HEATR5B: variants seen among roughly 807,000 people sequenced by gnomAD.
HEATR5B encodes the protein HEAT repeat-containing protein 5B.
Under a neutral mutation model 224.1 loss-of-function variants are expected in HEATR5B, and 156 were observed. That is an observed-to-expected ratio of 0.70 (90% CI 0.61 to 0.80). HEATR5B has a LOEUF of 0.80. Ranked by LOEUF, HEATR5B falls within the 30% of genes least tolerant of loss-of-function variation. The probability of loss-of-function intolerance (pLI) is 0.00; values close to 1 mark genes in which losing one functional copy is unlikely to be tolerated. For synonymous variants in HEATR5B, 1,027 were observed against 893.0 expected, an observed-to-expected ratio of 1.15 and a Z score of -2.68; for missense variants, 2,323 against 2,535.5, an observed-to-expected ratio of 0.92 and a Z score of 1.80.
chr2:37,039,058 T>C (rs113140084), intron 20 of HEATR5B, among the ~76,000 whole-genome samples: 89 of 151,850 alleles, frequency 5.9e-4, no homozygotes, highest in African/African-American at 1.9e-3. Context: ...TGGAGGCTCG[T>C]GCCTGTAATC....
rs543556540 is a variant in HEATR5B at position 37,012,911 on chromosome 2, G to GT, written c.4284+929dup. ...TCTGCTATGTGTTCCAAAACACTTT[G>GT]TAACTTTGTATTTCTCCTGTGATAA... On this transcript the variant is annotated intron_variant, in intron 27 of 35. Transcript: ENST00000233099. Among the ~76,000 whole-genome samples, 43 of 152,320 alleles carry GT rather than the reference G, an allele frequency of 2.8e-4. No individual in the cohort carries two copies. In the South Asian group the frequency reaches 4.1e-3, roughly 15 times the overall value.
rs1276961283 is a variant in HEATR5B, at chr2:37,064,887, C to A, written c.1437G>T (p.Gln479His). 11 of 1,613,970 alleles carry A rather than the reference C, an allele frequency of 6.8e-6. No homozygotes were observed. Among genetic ancestry groups the A allele is most frequent in the Non-Finnish European group, 9.3e-6 (11 of 1,180,016 alleles). ...CACACCTGTCTAGAAATGGTGTCAGCTGGAAAGGTAATGCCACAGCCACAC... is the reference window on the plus strand; with the variant it reads ...CACACCTGTCTAGAAATGGTGTCAGATGGAAAGGTAATGCCACAGCCACAC... ...LRCVAVALPFQLTPFLDRCAE... is the reference protein window; with the variant it reads ...LRCVAVALPFHLTPFLDRCAE... The change falls in exon 10 of 36, where the codon CAG (glutamine) becomes CAT (histidine). Residue 479 changes from glutamine (Q) to histidine (H), a missense_variant. Physicochemically the swap from Gln to His is conservative, Grantham distance 24 (BLOSUM62 0). Transcript: ENST00000233099.
chr2:37,040,900 C>A (rs1051222564), intron 19 of HEATR5B: 6 of 469,280 alleles, frequency 1.3e-5, no homozygotes, highest in East Asian at 3.4e-5. Flanking sequence ...CAGAATAATA[C>A]ACAATAAAAA....
At chr2:37,006,571 G>A (rs995650868) in intron 29 of HEATR5B, among the ~76,000 whole-genome samples, 4 of 152,174 alleles carry the variant, frequency 2.6e-5, no homozygotes, top group Admixed American at 2.0e-4. Context: ...AACCCAGGAG[G>A]CGGAGGTTGC....
At chr2:37,067,177 T>C (rs1439000372) in intron 8 of HEATR5B, among the ~76,000 whole-genome samples, 2 of 152,036 alleles carry the variant, frequency 1.3e-5, no homozygotes, top group African/African-American at 4.8e-5. Context: ...CCTGGCCAAA[T>C]AACTCTTGTT....
rs755161432 is a variant in HEATR5B at position 37,060,596 on chromosome 2, C to T, written c.1834G>A (p.Ala612Thr). ...CAGTTCTTACCACATAGAGCTCCAG[C>T]ACGACCTTCCAAAGTTACCTGCCAG... ...FTWQVTLEGR[A>T]GALCAMRSFV... is the part of the protein sequence containing the mutation. Residue 612 changes from alanine (A) to threonine (T), a missense_variant, in exon 12 of 36, where the codon GCT becomes ACT. By Grantham distance (58) the Ala-to-Thr change is moderately conservative. Coordinates refer to ENST00000233099, the MANE Select transcript of HEATR5B (RefSeq NM_019024.3). 2 of 1,613,590 alleles carry T rather than the reference C, an allele frequency of 1.2e-6. No individual in the cohort carries two copies. Among genetic ancestry groups the T allele is most frequent in the Non-Finnish European group, 1.7e-6 (2 of 1,179,742 alleles).
Position 37,079,249 on chromosome 2 carries a change from T to G in HEATR5B, c.209A>C (p.Lys70Thr), listed in dbSNP as rs1291877669. ...ISSSPGPPTR[K>T]LLAKNLAALY... ...GGCTGCGAGATTTTTAGCTAATAAT[T>G]TTCGTGTAGGTGGTCCAGGTGAACT... The change falls in exon 3 of 36, where the codon AAA becomes ACA. Residue 70 changes from lysine to threonine, a missense_variant. This residue lies in a region of HEATR5B where 292 missense variants were observed against 332.6 expected (regional missense o/e 0.88). Coordinates refer to ENST00000233099, the MANE Select transcript of HEATR5B (RefSeq NM_019024.3). 6.2e-7 allele frequency: 1 copy of G among 1,612,340 alleles called. No individual in the cohort carries two copies. Among genetic ancestry groups the G allele is most frequent in the Non-Finnish European group, 8.5e-7 (1 of 1,178,600 alleles).
At chr2:37,050,599 A>G (rs1433570241) in intron 17 of HEATR5B, among the ~76,000 whole-genome samples, 1 of 152,270 alleles carries the variant, frequency 6.6e-6, no homozygotes, top group Non-Finnish European at 1.5e-5. Flanking sequence ...TAACAAAAAA[A>G]TAATTTCAGA....
At chr2:36,993,415 T>C (rs1276977298) in intron 33 of HEATR5B, among the ~76,000 whole-genome samples, 3 of 151,884 alleles carry the variant, frequency 2.0e-5, no homozygotes, top group African/African-American at 4.8e-5. Context: ...CGGACACCTG[T>C]AGTCCCAGCT....
chr2:37,036,682 T>C (rs1327920748), intron 21 of HEATR5B, among the ~76,000 whole-genome samples: 1 of 152,056 alleles, frequency 6.6e-6, no homozygotes, highest in Non-Finnish European at 1.5e-5. Flanking sequence ...TGACTAATTT[T>C]TGTATTTTTA....
Position 37,014,009 on chromosome 2 carries a change from T to A in HEATR5B, c.4116A>T (p.Thr1372=), listed in dbSNP as rs754737275. The part of the protein sequence containing the change: ...IIAKACQVCS[T]WIGSGVVSDL... ...CACTGACAACTCCACTTCCTATCCATGTACTACATACCTAGACAAAGAGAA... is the reference window on the plus strand; with the variant it reads ...CACTGACAACTCCACTTCCTATCCAAGTACTACATACCTAGACAAAGAGAA... The change falls in exon 27 of 36, where the codon ACA becomes ACT. Residue 1372 remains threonine, a synonymous_variant. Transcript: ENST00000233099. The A allele has an allele frequency of 3.1e-6, 5 of 1,590,146 alleles. No homozygotes were observed. Among genetic ancestry groups the A allele is most frequent in the Non-Finnish European group, 4.3e-6 (5 of 1,165,562 alleles).
At position 37,013,845 on chromosome 2, in the gene HEATR5B, G is replaced by C; in HGVS notation, c.4280C>G (p.Ala1427Gly). 6.3e-7 allele frequency: 1 copy of C among 1,579,890 alleles called. No individual in the cohort carries two copies. The highest frequency in any genetic ancestry group is 1.7e-4 in the Middle Eastern group (1 of 5,966). Residue 1427 changes from alanine to glycine, a missense_variant, in exon 27 of 36, where the codon GCA becomes GGA. Coordinates refer to ENST00000233099, the MANE Select transcript of HEATR5B (RefSeq NM_019024.3). ...AGATTGTGGTTTAGTCGTTACCTCT[G>C]CCCAAGCTTTGAGAACAGCCAGTTT... ...MEKLAVLKAW[A>G]EVYVVAMNIK...
chr2:37,012,099 A>C (rs1667823083), intron 27 of HEATR5B, among the ~76,000 whole-genome samples: 1 of 152,242 alleles, frequency 6.6e-6, no homozygotes, highest in African/African-American at 2.4e-5. Context: ...AAGCAAAATG[A>C]AGAAAATTAA....
intron 35 of HEATR5B, among the ~76,000 whole-genome samples, chr2:36,986,978 C>G (rs919490209): frequency 5.9e-5 from 9 of 152,062 alleles, no homozygotes; most frequent in African/African-American, 1.9e-4. Context: ...GTCTTAAACT[C>G]CTGATCTCAA....
chr2:36,982,885 C>CACACACAT (rs1665679264), intron 35 of HEATR5B, among the ~76,000 whole-genome samples: 1 of 151,130 alleles, frequency 6.6e-6, no homozygotes, highest in African/African-American at 2.4e-5. Context: ...CACACACACA[C>CACACACAT]ACACACACAC....
intron 22 of HEATR5B, among the ~76,000 whole-genome samples, chr2:37,030,530 C>T (rs1669064785): frequency 6.6e-6 from 1 of 152,082 alleles, no homozygotes. Context: ...ATTTCTAGGT[C>T]AAAGGGTAAG....
chr2:37,006,886 G>C (rs1334418823), intron 29 of HEATR5B, among the ~76,000 whole-genome samples, 164 bp downstream of exon 29: 4 of 151,992 alleles, frequency 2.6e-5, no homozygotes, highest in African/African-American at 9.7e-5. Context: ...TTAATTTCTA[G>C]GTTAAAAATT....
At chr2:37,017,884 G>A (rs750982598) in intron 26 of HEATR5B, among the ~76,000 whole-genome samples, 2 of 151,956 alleles carry the variant, frequency 1.3e-5, no homozygotes, top group Non-Finnish European at 2.9e-5. Flanking sequence ...ATTTAAGTAC[G>A]CATTATGTTC....
intron 2 of HEATR5B, 44 bp downstream of exon 2, chr2:37,083,245 T>A: frequency 6.2e-7 from 1 of 1,607,586 alleles, no homozygotes; most frequent in Non-Finnish European, 8.5e-7. Flanking sequence ...GACCACATAA[T>A]CTCTTCACGT....
Sources: gnomAD v4.1 joint callset for allele counts (sites outside exome capture counted in the v4.1 genomes callset) on GRCh38, gnomAD v4.1.1 for gene constraint, gnomAD v4.1.1 regional missense constraint, MANE v1.5 for transcripts, NCBI Gene and HGNC (gene_info 2026-07-23, HGNC 2026-07-21) for gene names.